Variants in SLC37A2 observed in about 807,000 individuals in gnomAD.
SLC37A2 encodes solute carrier family 37 member 2, also known as glucose-6-phosphate exchanger SLC37A2.
A neutral mutation model predicts 70.7 loss-of-function variants in SLC37A2; 59 were observed. That is an observed-to-expected ratio of 0.83 (90% CI 0.68 to 1.04). The LOEUF is 1.04. Among genes scored for constraint, SLC37A2 ranks in the 50% least tolerant of loss-of-function variants. The pLI, the probability that SLC37A2 is intolerant of heterozygous loss-of-function variation, is 0.00. For missense variants in SLC37A2, 580 were observed against 658.1 expected (o/e 0.88, Z 1.30); for synonymous variants, 257 against 262.1 (o/e 0.98, Z 0.19).
intron 6 of SLC37A2, 106 bp downstream of exon 6, chr11:125,079,866 G>A (rs905338564): frequency 9.2e-6 from 8 of 865,838 alleles, no homozygotes; most frequent in African/African-American, 8.3e-5. Flanking sequence ...GTCAGAAAGC[G>A]GCCTCCACGT....
chr11:125,072,459 G>A (rs901684181), intron 1 of SLC37A2, among the ~76,000 whole-genome samples: 1 of 152,166 alleles, frequency 6.6e-6, no homozygotes, highest in South Asian at 2.1e-4. Flanking sequence ...GGAGCAGCCG[G>A]GGGCCTTCCC....
At chr11:125,085,232 C>T (rs537117754) in intron 14 of SLC37A2, 93 bp downstream of exon 14, 155 of 1,383,810 alleles carry the variant, frequency 1.1e-4, no homozygotes, top group African/African-American at 4.3e-5. Flanking sequence ...TCTCCCATCC[C>T]GCAGAGGAGA....
Position 125,085,464 on chromosome 11 carries a change from G to C in SLC37A2, c.1318G>C (p.Gly440Arg). ...GGTCACGGCCATCATTGACGGCACCGGCTCCATAGGTCTGTGACTCTAGCT... is the reference window on the plus strand; with the variant it reads ...GGTCACGGCCATCATTGACGGCACCCGCTCCATAGGTCTGTGACTCTAGCT... ...STVTAIIDGT[G>R]SIGAALGPLL... The change falls in exon 15 of 18, where the codon GGC becomes CGC. Residue 440 changes from glycine (G) to arginine (R), a missense_variant. Gly to Arg is a moderately radical substitution (Grantham distance 125). Coordinates refer to ENST00000403796, the MANE Select transcript of SLC37A2 (RefSeq NM_001145290.2). The C allele has an allele frequency of 6.2e-7, 1 of 1,613,918 alleles. No homozygotes were observed. Among genetic ancestry groups the C allele is most frequent in the Non-Finnish European group, 8.5e-7 (1 of 1,179,960 alleles).
At chr11:125,066,146 G>T (rs971451943) in intron 1 of SLC37A2, among the ~76,000 whole-genome samples, 3 of 152,230 alleles carry the variant, frequency 2.0e-5, no homozygotes, top group African/African-American at 7.2e-5. Context: ...CCACTAGTAC[G>T]TTCTTAATGT....
chr11:125,076,138 A>C (rs1450408185), intron 1 of SLC37A2, among the ~76,000 whole-genome samples: 1 of 152,046 alleles, frequency 6.6e-6, no homozygotes, highest in Non-Finnish European at 1.5e-5. Flanking sequence ...GAGAAAGAGC[A>C]CGTGTGTGAG....
intron 1 of SLC37A2, among the ~76,000 whole-genome samples, chr11:125,069,327 C>T (rs1420253330): frequency 2.0e-5 from 3 of 152,168 alleles, no homozygotes; most frequent in African/African-American, 4.8e-5. Context: ...ATGGTCTTTC[C>T]GCTGCCTTCC....
chr11:125,086,714 G>A (rs1591635903), intron 17 of SLC37A2: 2 of 242,710 alleles, frequency 8.2e-6, no homozygotes, highest in East Asian at 1.1e-4. Context: ...TGGTGGTGGT[G>A]GATGTGGTGG....
At position 125,088,234 on chromosome 11, in the gene SLC37A2, C is replaced by A; in HGVS notation, c.*100C>A. 7.2e-7 allele frequency: 1 copy of A among 1,381,320 alleles called. No homozygotes were observed. Among genetic ancestry groups the A allele is most frequent in the Non-Finnish European group, 1.0e-6 (1 of 994,178 alleles). 85.6% of individuals were successfully genotyped at this position (1,381,320 alleles called of 1,614,324 possible). On this transcript the variant is annotated 3_prime_UTR_variant, in exon 18 of 18. Coordinates refer to ENST00000403796, the MANE Select transcript of SLC37A2 (RefSeq NM_001145290.2). The stretch of plus-strand genomic sequence containing the variant: ...AACTTCCACAAGCAGGGAAGGCAAA[C>A]CCTCTTTATTGAACATTAGCCAGCC...
Position 125,080,734 on chromosome 11 carries a change from C to G in SLC37A2, c.648C>G (p.Ile216Met). 1.3e-6 allele frequency: 2 copies of G among 1,557,428 alleles called. No homozygotes were observed. Among genetic ancestry groups the G allele is most frequent in the Non-Finnish European group, 1.7e-6 (2 of 1,150,618 alleles). The stretch of plus-strand genomic sequence containing the variant: ...GCCTGTCGTTCATCGTGCCTGGCAT[C>G]ATTACTGCCGTCATGGGCGTCATCA... Reference protein sequence around the residue: ...QWGLSFIVPGIITAVMGVITF... With the variant: ...QWGLSFIVPGMITAVMGVITF... Residue 216 changes from isoleucine (I) to methionine (M), a missense_variant, in exon 7 of 18, where the codon ATC (isoleucine) becomes ATG (methionine). Ile to Met is a conservative substitution (Grantham distance 10). Transcript: ENST00000403796. The surrounding 1 kb of genome is among the most constrained non-coding windows in gnomAD (Gnocchi z 4.3).
Position 125,080,749 on chromosome 11 carries a change from G to T in SLC37A2, c.663G>T (p.Met221Ile). 6.5e-7 allele frequency: 1 copy of T among 1,530,128 alleles called. No individual in the cohort carries two copies. Among genetic ancestry groups the T allele is most frequent in the South Asian group, 1.3e-5 (1 of 79,462 alleles). The allele number at this position is 1,530,128 out of a possible 1,614,324, so 94.8% of individuals were successfully genotyped here. A position where few individuals can be genotyped will look rare whatever the true frequency, so the allele number is the denominator to read the frequency against. ...TGCCTGGCATCATTACTGCCGTCAT[G>T]GGCGTCATCACCTTCCTCTTCCTCA... ...FIVPGIITAV[M>I]GVITFLFLIE... The change falls in exon 7 of 18, where the codon ATG becomes ATT. Residue 221 changes from methionine to isoleucine, a missense_variant. Transcript: ENST00000403796. This position sits in a 1 kb window ranked among gnomAD's most constrained non-coding sequence, Gnocchi z 4.3.
At chr11:125,078,368 A>T (rs1040216121) in intron 4 of SLC37A2, among the ~76,000 whole-genome samples, 11 of 152,206 alleles carry the variant, frequency 7.2e-5, no homozygotes, top group Admixed American at 5.9e-4. Context: ...CTGAGAGCTC[A>T]CTCTGAGAGT....
At chr11:125,071,793 T>A (rs1949031836) in intron 1 of SLC37A2, among the ~76,000 whole-genome samples, 1 of 143,340 alleles carries the variant, frequency 7.0e-6, no homozygotes, top group African/African-American at 2.6e-5. Flanking sequence ...GTGGTATCTG[T>A]TCCTGGCTGG....
At chr11:125,085,293 C>T (rs1949196571) in intron 14 of SLC37A2, 102 bp from the exon 15 acceptor site, 1 of 1,348,504 alleles carries the variant, frequency 7.4e-7, no homozygotes, top group African/African-American at 1.5e-5. Context: ...CTCTCAAGCC[C>T]AAACCCCAGT....
chr11:125,082,380 G>A (rs1949160625), intron 10 of SLC37A2, 46 bp downstream of exon 10: 1 of 1,562,152 alleles, frequency 6.4e-7, no homozygotes, highest in African/African-American at 1.4e-5. Flanking sequence ...AGGAGGCCAA[G>A]GCTGCCTCTG....
At chr11:125,084,436 C>A in intron 12 of SLC37A2, 117 bp downstream of exon 12, 2 of 1,064,776 alleles carry the variant, frequency 1.9e-6, no homozygotes, top group Non-Finnish European at 2.8e-6. Context: ...TACGCGTGCA[C>A]ATGCATCATT....
At chr11:125,081,371 T>TTG in intron 7 of SLC37A2, 50 bp from the exon 8 acceptor site, 1 of 1,286,756 alleles carries the variant, frequency 7.8e-7, no homozygotes, top group Non-Finnish European at 1.0e-6. Flanking sequence ...ACCTCGGGAT[T>TTG]GGGGGGGCGG....
intron 17 of SLC37A2, 38 bp downstream of exon 17, chr11:125,086,056 T>TCC (rs1396134131): frequency 1.5e-5 from 24 of 1,598,904 alleles, no homozygotes; most frequent in Non-Finnish European, 2.1e-5. Flanking sequence ...TCTACCAACC[T>TCC]CATTTCTCGT....
At chr11:125,079,809 G>A (rs776517281) in intron 6 of SLC37A2, 49 bp downstream of exon 6, 5 of 1,419,442 alleles carry the variant, frequency 3.5e-6, no homozygotes, top group South Asian at 2.4e-5. Flanking sequence ...AGGGCTGGGG[G>A]TCCTGAGCTG....
At chr11:125,064,951 T>C (rs1948967277) in intron 1 of SLC37A2, among the ~76,000 whole-genome samples, 1 of 152,356 alleles carries the variant, frequency 6.6e-6, no homozygotes, top group Middle Eastern at 3.4e-3. Context: ...ATTTATGTTA[T>C]GTATATTTTA....
Sources: allele counts gnomAD v4.1 joint callset (sites outside exome capture counted in the v4.1 genomes callset), GRCh38; gene constraint gnomAD v4.1.1; non-coding constraint Gnocchi (gnomAD v3.1); transcripts MANE v1.5; gene names NCBI Gene and HGNC (gene_info 2026-07-23, HGNC 2026-07-21).